PHF21A: variants seen among roughly 807,000 people sequenced by gnomAD.
PHF21A encodes BHC80a.
A neutral mutation model predicts 82.5 loss-of-function variants in PHF21A; 11 were observed. The observed-to-expected ratio is 0.13, with a 90% CI of 0.08 to 0.22. PHF21A has a LOEUF of 0.22. Among genes scored for constraint, PHF21A ranks in the 10% least tolerant of loss-of-function variants. PHF21A has a pLI of 1.00. For synonymous variants in PHF21A, 297 were observed against 302.8 expected (o/e 0.98, Z 0.20); for missense variants, 579 against 837.8 (o/e 0.69, Z 3.81).
At chr11:46,000,836 C>A (rs1460453004) in intron 6 of PHF21A, among the ~76,000 whole-genome samples, 1 of 152,104 alleles carries the variant, frequency 6.6e-6, no homozygotes, top group East Asian at 1.9e-4. Context: ...AGGAGGATCG[C>A]TTGAACCCAG....
chr11:45,965,715 A>G (rs2093396627), intron 9 of PHF21A, 107 bp from the exon 10 acceptor site: 15 of 853,798 alleles, frequency 1.8e-5, no homozygotes, highest in Non-Finnish European at 1.9e-5. Context: ...TACACTTATT[A>G]ATGTTCATTT....
chr11:46,045,611 C>T lies in PHF21A; in HGVS notation c.153+31143G>A, dbSNP rs1055793186. Among the ~76,000 whole-genome samples, 13 of 152,078 alleles carry T rather than the reference C, an allele frequency of 8.5e-5. No homozygotes were observed. The East Asian group carries it at 1.3e-3, about 16-fold the overall frequency. On this transcript the variant is annotated intron_variant, in intron 6 of 18. Transcript: ENST00000676320. Reference sequence around the variant, plus strand: ...AGAATCACAAGGACTCAAAGCACTACAATGTATTCAAAAAAAGAATGGTTA... The same window carrying T: ...AGAATCACAAGGACTCAAAGCACTATAATGTATTCAAAAAAAGAATGGTTA...
intron 6 of PHF21A, among the ~76,000 whole-genome samples, chr11:46,064,975 A>G (rs1000091615): frequency 6.6e-6 from 1 of 152,200 alleles, no homozygotes; most frequent in African/African-American, 2.4e-5. Context: ...AACAAGCACT[A>G]ATGATGTATT....
intron 6 of PHF21A, among the ~76,000 whole-genome samples, chr11:46,048,414 G>A (rs2139053442): frequency 6.6e-6 from 1 of 152,204 alleles, no homozygotes; most frequent in East Asian, 1.9e-4. Context: ...CTATCCATCA[G>A]TTTATGGGTT....
In PHF21A at chr11:45,979,804, C is replaced by T. The variant is rs749381550; in HGVS notation, c.316G>A (p.Ala106Thr). 18 of 1,613,882 alleles carry T rather than the reference C, an allele frequency of 1.1e-5. No individual in the cohort carries two copies. Among genetic ancestry groups the T allele is most frequent in the Non-Finnish European group, 1.4e-5 (17 of 1,179,944 alleles). ...GGAGAGGCTGCAGCTGACTGCTGGG[C>T]GTGGTGGTGGTGGTACTGCTGCTGT... Reference protein sequence around the residue: ...QQQQQYHHHHAQQSAAASPNL... With the variant: ...QQQQQYHHHHTQQSAAASPNL... The change falls in exon 7 of 19, where the codon GCC (alanine) becomes ACC (threonine). Residue 106 changes from alanine to threonine, a missense_variant. By Grantham distance (58) the Ala-to-Thr change is moderately conservative. Around this residue, in one of 3 missense-constraint regions of PHF21A, gnomAD observed 410 missense variants for 642.1 expected, o/e 0.64. Transcript: ENST00000676320.
intron 10 of PHF21A, among the ~76,000 whole-genome samples, chr11:45,956,408 GGCAGAGCTGTATAGGA>G (rs1324031132): frequency 3.3e-5 from 5 of 152,058 alleles, no homozygotes; most frequent in Non-Finnish European, 7.4e-5. Context: ...ATAAAGGAGG[GGCAGAGCTGTATAGGA>G]GCAGAGCTTC....
intron 11 of PHF21A, among the ~76,000 whole-genome samples, chr11:45,950,543 G>A (rs1251371547): frequency 2.0e-5 from 3 of 150,552 alleles, no homozygotes; most frequent in Non-Finnish European, 3.0e-5. Flanking sequence ...AAAAAAAATC[G>A]CAAAAAAAAC....
intron 6 of PHF21A, among the ~76,000 whole-genome samples, chr11:46,011,600 GT>G (rs2095415597): frequency 6.6e-6 from 1 of 152,166 alleles, no homozygotes; most frequent in Non-Finnish European, 1.5e-5. Flanking sequence ...GTCCCACTTG[GT>G]GGTACTAAGC....
chr11:46,042,127 TA>T (rs2096157324), intron 6 of PHF21A, among the ~76,000 whole-genome samples: 4 of 152,194 alleles, frequency 2.6e-5, no homozygotes, highest in Admixed American at 2.6e-4. Context: ...ACCAGTTCAA[TA>T]TTATCCTGGT....
intron 6 of PHF21A, among the ~76,000 whole-genome samples, chr11:46,025,053 G>A (rs1423783389): frequency 5.3e-5 from 8 of 152,074 alleles, no homozygotes; most frequent in African/African-American, 1.9e-4. Flanking sequence ...TTAGCCAGCT[G>A]AGTAATGGTG....
At chr11:45,977,229 C>G (rs909173991) in intron 7 of PHF21A, among the ~76,000 whole-genome samples, 3 of 151,140 alleles carry the variant, frequency 2.0e-5, no homozygotes, top group African/African-American at 7.3e-5. Context: ...CTCTGTTGCC[C>G]GGGTTCAAGT....
intron 6 of PHF21A, among the ~76,000 whole-genome samples, chr11:45,984,751 C>T (rs558066901): frequency 6.6e-6 from 1 of 152,140 alleles, no homozygotes. Flanking sequence ...ACTCCAAGAC[C>T]CTGCCCTCCA....
intron 18 of PHF21A, chr11:45,934,469 C>A: frequency 2.0e-6 from 1 of 501,214 alleles, no homozygotes; most frequent in South Asian, 2.9e-5. Flanking sequence ...AAAGAGCATG[C>A]GGGCACCAAC....
chr11:46,022,553 C>G lies in PHF21A; in HGVS notation c.154-42587G>C, dbSNP rs191234728. Among the ~76,000 whole-genome samples the G allele has an allele frequency of 2.6e-5, 4 of 152,308 alleles. No individual in the cohort carries two copies. In the East Asian group the frequency reaches 7.7e-4, roughly 29 times the overall value. On this transcript the variant is annotated intron_variant, in intron 6 of 18. Coordinates refer to ENST00000676320, the MANE Select transcript of PHF21A (RefSeq NM_001352027.3). ...CATGGCTAACTGCAGCCTCAAACTC[C>G]TGGGCTCAAGCAATCCTCCAGCCTC...
At chr11:46,091,053 TA>T (rs370964585) in intron 2 of PHF21A, among the ~76,000 whole-genome samples, 1 of 152,190 alleles carries the variant, frequency 6.6e-6, no homozygotes, top group East Asian at 1.9e-4. Flanking sequence ...GCAAGTAGAA[TA>T]AAAAGGTAGT....
chr11:46,004,416 A>C (rs1005668635), intron 6 of PHF21A, among the ~76,000 whole-genome samples: 1 of 152,198 alleles, frequency 6.6e-6, no homozygotes, highest in African/African-American at 2.4e-5. Context: ...CTTTTAATAG[A>C]TAAGAAATAA....
chr11:45,944,960 G>A (rs796966436), intron 15 of PHF21A, among the ~76,000 whole-genome samples: 41 of 152,252 alleles, frequency 2.7e-4, no homozygotes, highest in African/African-American at 9.4e-4. Context: ...ACCAGGTTTC[G>A]CCATGTTGGC....
At chr11:45,992,148 T>G (rs1403668116) in intron 6 of PHF21A, among the ~76,000 whole-genome samples, 3 of 152,094 alleles carry the variant, frequency 2.0e-5, no homozygotes, top group African/African-American at 7.2e-5. Context: ...TGCTGATAGA[T>G]AAAGCCCATG....
chr11:46,005,288 C>T (rs901788109), intron 6 of PHF21A, among the ~76,000 whole-genome samples: 9 of 152,092 alleles, frequency 5.9e-5, no homozygotes, highest in East Asian at 1.9e-4. Context: ...GTTTCATGTA[C>T]AAAATGATGT....
Sources: gnomAD v4.1 joint callset for allele counts (sites outside exome capture counted in the v4.1 genomes callset) on GRCh38, gnomAD v4.1.1 for gene constraint, gnomAD v4.1.1 regional missense constraint, MANE v1.5 for transcripts, NCBI Gene and HGNC (gene_info 2026-07-23, HGNC 2026-07-21) for gene names.